Variants in PDLIM5 observed in about 807,000 individuals in gnomAD.
PDLIM5 encodes PDZ and LIM domain protein 5.
In PDLIM5, 34 loss-of-function variants were observed where a neutral mutation model predicts 64.2. The ratio of observed to expected loss-of-function variants is 0.53; its 90% confidence interval spans 0.40 to 0.71. PDLIM5 has a LOEUF of 0.71. PDLIM5 is among the 30% of genes least tolerant of loss of function. PDLIM5 has a pLI of 0.00. For missense variants in PDLIM5, 683 were observed against 733.6 expected (o/e 0.93, Z 0.80); for synonymous variants, 253 against 269.1 (o/e 0.94, Z 0.59).
chr4:94,460,953 T>C (rs1300585988), intron 2 of PDLIM5, among the ~76,000 whole-genome samples: 2 of 152,228 alleles, frequency 1.3e-5, no homozygotes, highest in Non-Finnish European at 2.9e-5. Context: ...GGCAAAGAGC[T>C]TTTCTTTATG....
Position 94,665,481 on chromosome 4 carries a change from TAAAAAAA to T in PDLIM5, c.*1433_*1439del, listed in dbSNP as rs10706955. On this transcript the variant is annotated 3_prime_UTR_variant, in exon 13 of 13. Coordinates refer to ENST00000317968, the MANE Select transcript of PDLIM5 (RefSeq NM_006457.5). ...GGTGACAGAGCAAGACTCCGGCTCTTAAAAAAAAAAAAAAAAAAAAAAAAAGAGAGAG... is the reference window on the plus strand; with the variant it reads ...GGTGACAGAGCAAGACTCCGGCTCTTAAAAAAAAAAAAAAAAAAGAGAGAG... 2,139 of 449,192 alleles carry T rather than the reference TAAAAAAA, an allele frequency of 4.8e-3. 8 individuals are homozygous for T. Among genetic ancestry groups the T allele is most frequent in the Middle Eastern group, 5.3e-3 (5 of 942 alleles). The allele number at this position is 449,192 out of a possible 1,614,324, so 27.8% of individuals were successfully genotyped here. A position where few individuals can be genotyped will look rare whatever the true frequency, so the allele number is the denominator to read the frequency against.
intron 2 of PDLIM5, chr4:94,455,835 G>A: frequency 4.9e-6 from 7 of 1,442,654 alleles, no homozygotes; most frequent in Non-Finnish European, 5.6e-6. Context: ...TTCTGGTGGA[G>A]GTGATAGCCA....
At chr4:94,567,492 A>G (rs1267085970) in intron 3 of PDLIM5, among the ~76,000 whole-genome samples, 2 of 142,796 alleles carry the variant, frequency 1.4e-5, no homozygotes, top group Non-Finnish European at 3.0e-5. Flanking sequence ...AGAGAATGCA[A>G]TTCTAGTACA....
intron 3 of PDLIM5, among the ~76,000 whole-genome samples, chr4:94,541,123 G>T (rs1731768860): frequency 6.6e-6 from 1 of 152,190 alleles, no homozygotes; most frequent in African/African-American, 2.4e-5. Context: ...AAGAAGGTCA[G>T]AGCTGGAACC....
rs985411239 is a variant in PDLIM5 at position 94,462,143 on chromosome 4, G to A, written c.96+6759G>A. The stretch of plus-strand genomic sequence containing the variant: ...CTCCCAAAGTGCTGGGATTACAGGC[G>A]TGAGCCACTGCACCCAGCTTAATTT... On this transcript the variant is annotated intron_variant, in intron 2 of 12. Transcript: ENST00000317968. Among the ~76,000 whole-genome samples, 12 of 152,282 alleles carry A rather than the reference G, an allele frequency of 7.9e-5. No homozygotes were observed. In the South Asian group the frequency reaches 1.5e-3, roughly 18 times the overall value.
At chr4:94,531,187 CTTAT>C (rs1191211180) in intron 3 of PDLIM5, among the ~76,000 whole-genome samples, 7 of 151,682 alleles carry the variant, frequency 4.6e-5, no homozygotes, top group Admixed American at 1.3e-4. Flanking sequence ...TTCTTCTTTG[CTTAT>C]TTGTTTTTAA....
chr4:94,502,774 G>C (rs963884803), intron 2 of PDLIM5, among the ~76,000 whole-genome samples: 2 of 152,048 alleles, frequency 1.3e-5, no homozygotes, highest in African/African-American at 4.8e-5. Flanking sequence ...CTACTCGGGA[G>C]GCTGAGGCAG....
intron 3 of PDLIM5, among the ~76,000 whole-genome samples, chr4:94,542,340 T>G (rs906254126): frequency 7.4e-6 from 1 of 135,684 alleles, no homozygotes; most frequent in Non-Finnish European, 1.6e-5. Context: ...ATAAAGTAAG[T>G]AAGTAAGTAA....
chr4:94,564,981 C>G (rs1734190520), intron 3 of PDLIM5, among the ~76,000 whole-genome samples: 1 of 152,078 alleles, frequency 6.6e-6, no homozygotes, highest in African/African-American at 2.4e-5. Context: ...TTACCATTGC[C>G]CCACCTCCTA....
chr4:94,577,579 A>G (rs1370054089), intron 5 of PDLIM5, among the ~76,000 whole-genome samples: 4 of 131,780 alleles, frequency 3.0e-5, no homozygotes, highest in Admixed American at 8.4e-5. Context: ...TTTGGTCGTA[A>G]TCTTTTTTTT....
At chr4:94,544,440 C>T (rs953657777) in intron 3 of PDLIM5, among the ~76,000 whole-genome samples, 2 of 152,108 alleles carry the variant, frequency 1.3e-5, no homozygotes, top group African/African-American at 4.8e-5. Context: ...AAAATACACT[C>T]CACAGTGTGG....
In PDLIM5 at chr4:94,636,602, G is replaced by GGCTCACTGCA. The variant is rs1560756364; in HGVS notation, c.1109-3674_1109-3673insGCTCACTGCA. Among the ~76,000 whole-genome samples, 578 of 149,160 alleles carry GGCTCACTGCA rather than the reference G, an allele frequency of 3.9e-3. 3 individuals are homozygous for GGCTCACTGCA. The highest frequency in any genetic ancestry group is 0.014 in the African/African-American group (549 of 40,316). The stretch of plus-strand genomic sequence containing the variant: ...CGCCCAGGCTGGAGTGCAGTGGTGC[G>GGCTCACTGCA]ATCTTGGCTCACTGCAAGCTCCACC... On this transcript the variant is annotated intron_variant, in intron 8 of 12. Coordinates refer to ENST00000317968, the MANE Select transcript of PDLIM5 (RefSeq NM_006457.5).
At chr4:94,468,005 C>T (rs2126088298) in intron 2 of PDLIM5, among the ~76,000 whole-genome samples, 1 of 152,316 alleles carries the variant, frequency 6.6e-6, no homozygotes, top group South Asian at 2.1e-4. Context: ...TAAGTCAACT[C>T]CTAGAACTGA....
At chr4:94,469,557 G>C (rs1724664402) in intron 2 of PDLIM5, among the ~76,000 whole-genome samples, 1 of 152,144 alleles carries the variant, frequency 6.6e-6, no homozygotes, top group South Asian at 2.1e-4. Context: ...TGAGAATAGG[G>C]AGTATGTCCA....
intron 3 of PDLIM5, 29 bp from the exon 4 acceptor site, chr4:94,573,322 T>C: frequency 1.9e-6 from 3 of 1,587,998 alleles, no homozygotes; most frequent in Non-Finnish European, 2.6e-6. Context: ...CATTATTTTT[T>C]TTTTCTTTTT....
intron 3 of PDLIM5, among the ~76,000 whole-genome samples, chr4:94,533,603 G>T (rs1731076923): frequency 6.6e-6 from 1 of 152,182 alleles, no homozygotes; most frequent in African/African-American, 2.4e-5. Flanking sequence ...CCTTAGGCAG[G>T]TTATGTAACT....
At chr4:94,627,296 A>G (rs1408863467) in intron 8 of PDLIM5, among the ~76,000 whole-genome samples, 1 of 152,202 alleles carries the variant, frequency 6.6e-6, no homozygotes, top group Admixed American at 6.5e-5. Flanking sequence ...AGTAACAACC[A>G]TTAATTGCCT....
intron 7 of PDLIM5, among the ~76,000 whole-genome samples, chr4:94,615,157 G>A (rs1160315852): frequency 6.6e-6 from 1 of 151,986 alleles, no homozygotes; most frequent in Non-Finnish European, 1.5e-5. Context: ...CCATTTTACA[G>A]GTGAGGAAAT....
At chr4:94,491,422 T>C (rs1195707686) in intron 2 of PDLIM5, among the ~76,000 whole-genome samples, 1 of 152,112 alleles carries the variant, frequency 6.6e-6, no homozygotes, top group African/African-American at 2.4e-5. Flanking sequence ...TTTCCTTTCC[T>C]TTTTGGACTG....
Sources: gnomAD v4.1 joint callset for allele counts (sites outside exome capture counted in the v4.1 genomes callset) on GRCh38, gnomAD v4.1.1 for gene constraint, MANE v1.5 for transcripts, NCBI Gene and HGNC (gene_info 2026-07-23, HGNC 2026-07-21) for gene names.